The following INTS8 variants were observed in gnomAD, a reference collection of about 807,000 sequenced individuals.
INTS8 encodes protein kaonashi-1.
Under a neutral mutation model 138.9 loss-of-function variants are expected in INTS8, and 47 were observed. The ratio of observed to expected loss-of-function variants is 0.34; its 90% CI spans 0.27 to 0.43. INTS8 has a LOEUF of 0.43. INTS8 is among the 20% of genes least tolerant of loss of function. INTS8 has a pLI of 1.00. For synonymous variants in INTS8, 392 were observed against 400.9 expected (o/e 0.98, Z 0.27); for missense variants, 996 against 1,173.0 (o/e 0.85, Z 2.20).
In INTS8 at chr8:94,876,430, T is replaced by G; in HGVS notation, c.2828-16T>G. 2 of 1,510,198 alleles carry G rather than the reference T, an allele frequency of 1.3e-6. No individual in the cohort carries two copies. Among genetic ancestry groups the G allele is most frequent in the Non-Finnish European group, 9.1e-7 (1 of 1,097,716 alleles). The allele number at this position is 1,510,198 out of a possible 1,614,324, so 93.5% of individuals were successfully genotyped here. A position where few individuals can be genotyped will look rare whatever the true frequency, so the allele number is the denominator to read the frequency against. On this transcript the variant is annotated splice_polypyrimidine_tract_variant and intron_variant, in intron 25 of 26. Transcript: ENST00000523731. Reference sequence around the variant, plus strand: ...TTTAATACTATCAGATTTATTTTCCTTAACTGATTCATTAGATCTTCATCA... The same window carrying G: ...TTTAATACTATCAGATTTATTTTCCGTAACTGATTCATTAGATCTTCATCA...
At chr8:94,867,940 AG>A (rs1308957510) in intron 20 of INTS8, 2 of 152,246 alleles carry the variant, frequency 1.3e-5, no homozygotes, top group African/African-American at 4.8e-5. Flanking sequence ...ACTTTCTATC[AG>A]GTTTCCAGCA....
chr8:94,874,518 GT>G, intron 22 of INTS8, 33 bp from the exon 23 acceptor site: 1 of 1,262,092 alleles, frequency 7.9e-7, no homozygotes, highest in Non-Finnish European at 1.2e-6. Context: ...ATGTTAGCTG[GT>G]TTTTGAAAAT....
intron 12 of INTS8, 39 bp downstream of exon 12, chr8:94,850,130 T>C (rs1360074458): frequency 7.1e-7 from 1 of 1,409,816 alleles, no homozygotes; most frequent in South Asian, 1.3e-5. Context: ...GTTGGCATGT[T>C]TTGCCCCTCT....
chr8:94,832,538 CAA>C (rs1440513845), intron 6 of INTS8, among the ~76,000 whole-genome samples: 1 of 152,200 alleles, frequency 6.6e-6, no homozygotes, highest in African/African-American at 2.4e-5. Context: ...ATCTAGACCT[CAA>C]GAGAGAGTGT....
At chr8:94,844,780 G>T (rs1815271648) in intron 10 of INTS8, among the ~76,000 whole-genome samples, 3 of 148,640 alleles carry the variant, frequency 2.0e-5, no homozygotes, top group Admixed American at 6.7e-5. Flanking sequence ...TTTGAGACGG[G>T]TCTCACTCTA....
At position 94,856,925 on chromosome 8, in the gene INTS8, C is replaced by T. The variant is rs749549435; in HGVS notation, c.1901C>T (p.Pro634Leu). The T allele has an allele frequency of 7.4e-6, 12 of 1,613,908 alleles. No homozygotes were observed. The highest frequency in any genetic ancestry group is 5.3e-5 in the African/African-American group (4 of 74,852). The change falls in exon 15 of 27, where the codon CCG becomes CTG. Residue 634 changes from proline (P) to leucine (L), a missense_variant. Pro to Leu is a moderately conservative substitution (Grantham distance 98, BLOSUM62 -3). Coordinates refer to ENST00000523731, the MANE Select transcript of INTS8 (RefSeq NM_017864.4). ...EAGTGQAGERPPSDLISRVRG... is the reference protein window; with the variant it reads ...EAGTGQAGERLPSDLISRVRG... Reference sequence around the variant, plus strand: ...GGGACAGGGCAGGCAGGAGAGAGACCGCCATCCGACCTTATAAGTAGAGTA... The same window carrying T: ...GGGACAGGGCAGGCAGGAGAGAGACTGCCATCCGACCTTATAAGTAGAGTA...
At chr8:94,872,116 C>A in intron 21 of INTS8, 114 bp downstream of exon 21, 1 of 592,024 alleles carries the variant, frequency 1.7e-6, no homozygotes. Flanking sequence ...ATTTACTTGT[C>A]TTTAGTAAAA....
At chr8:94,875,755 A>C (rs1040704480) in intron 23 of INTS8, among the ~76,000 whole-genome samples, 2 of 152,148 alleles carry the variant, frequency 1.3e-5, no homozygotes, top group African/African-American at 4.8e-5. Context: ...GAAAGGTTTA[A>C]TTGCACACTC....
chr8:94,873,246 T>G, intron 21 of INTS8, 128 bp from the exon 22 acceptor site: 1 of 761,264 alleles, frequency 1.3e-6, no homozygotes. Context: ...CGAACTAACA[T>G]TTTATTTCTA....
chr8:94,869,723 C>T (rs956018921), intron 20 of INTS8, among the ~76,000 whole-genome samples: 3 of 152,156 alleles, frequency 2.0e-5, no homozygotes, highest in East Asian at 1.9e-4. Flanking sequence ...AAACTCCTGA[C>T]CTTGTGATCT....
At chr8:94,829,255 A>T (rs1412501934) in intron 5 of INTS8, among the ~76,000 whole-genome samples, 1 of 151,946 alleles carries the variant, frequency 6.6e-6, no homozygotes, top group Non-Finnish European at 1.5e-5. Context: ...GGAAATAATT[A>T]TCCAACTCAC....
intron 8 of INTS8, among the ~76,000 whole-genome samples, chr8:94,841,072 C>T (rs1327473540): frequency 6.6e-6 from 1 of 151,162 alleles, no homozygotes; most frequent in East Asian, 2.0e-4. Flanking sequence ...GCCATGATAC[C>T]CGGCTAATTT....
intron 10 of INTS8, among the ~76,000 whole-genome samples, chr8:94,844,920 T>A (rs1420919143): frequency 6.6e-6 from 1 of 151,376 alleles, no homozygotes; most frequent in Non-Finnish European, 1.5e-5. Context: ...GCCTGGCTAA[T>A]TTTTTTTATT....
chr8:94,849,795 T>A, intron 11 of INTS8, 121 bp from the exon 12 acceptor site: 1 of 688,672 alleles, frequency 1.5e-6, no homozygotes, highest in Non-Finnish European at 2.3e-6. Context: ...TTTTAAAATA[T>A]CATTATACAG....
At chr8:94,857,030 G>T (rs776630969) in intron 15 of INTS8, 52 bp downstream of exon 15, 5 of 1,272,528 alleles carry the variant, frequency 3.9e-6, no homozygotes, top group South Asian at 3.9e-5. Flanking sequence ...TCACATAATT[G>T]TGGGGGAAAA....
At chr8:94,854,683 G>A (rs564589304) in intron 14 of INTS8, among the ~76,000 whole-genome samples, 2 of 152,268 alleles carry the variant, frequency 1.3e-5, no homozygotes, top group African/African-American at 4.8e-5. Context: ...AACTAAAATT[G>A]AGGCTTAAAT....
At chr8:94,830,542 G>C (rs2130996180) in intron 5 of INTS8, among the ~76,000 whole-genome samples, 1 of 152,230 alleles carries the variant, frequency 6.6e-6, no homozygotes, top group Non-Finnish European at 1.5e-5. Context: ...CTGTTGCCCA[G>C]GCTACAGTGC....
chr8:94,848,528 A>G (rs768132747), intron 10 of INTS8, among the ~76,000 whole-genome samples: 1 of 152,162 alleles, frequency 6.6e-6, no homozygotes, highest in South Asian at 2.1e-4. Context: ...TACTAATCTA[A>G]TTTCTCTATA....
intron 4 of INTS8, among the ~76,000 whole-genome samples, chr8:94,828,115 C>G (rs536221022): frequency 1.3e-5 from 2 of 150,696 alleles, no homozygotes; most frequent in African/African-American, 4.9e-5. Flanking sequence ...TCTCGGCTCA[C>G]TGCAGCCTCC....
Sources: allele counts gnomAD v4.1 joint callset (sites outside exome capture counted in the v4.1 genomes callset), GRCh38; gene constraint gnomAD v4.1.1; transcripts MANE v1.5; gene names NCBI Gene and HGNC (gene_info 2026-07-23, HGNC 2026-07-21).